The following ZNF536 variants were observed in gnomAD, a reference collection of about 807,000 sequenced individuals.
ZNF536 encodes zinc finger protein 536.
ZNF536 carries 13 observed loss-of-function variants against 84.5 expected under a neutral mutation model. The ratio of observed to expected loss-of-function variants is 0.15; its 90% confidence interval spans 0.10 to 0.24. The LOEUF (loss-of-function observed/expected upper bound fraction) is 0.24, where lower values mean the gene tolerates loss of function less well. Among genes scored for constraint, ZNF536 ranks in the 10% least tolerant of loss-of-function variants. The pLI is 1.00. For missense variants in ZNF536, 1,536 were observed against 1,747.5 expected, an observed-to-expected ratio of 0.88 and a Z score of 2.16; for synonymous variants, 811 against 742.5, an observed-to-expected ratio of 1.09 and a Z score of -1.50.
intron 2 of ZNF536, among the ~76,000 whole-genome samples, chr19:30,486,183 C>T (rs1021067972): frequency 5.9e-5 from 9 of 152,140 alleles, no homozygotes. Flanking sequence ...TGCTTTGCTG[C>T]ACCTATCAAC....
chr19:30,534,442 T>A (rs569957799), intron 2 of ZNF536, among the ~76,000 whole-genome samples: 1 of 152,354 alleles, frequency 6.6e-6, no homozygotes, highest in East Asian at 1.9e-4. Flanking sequence ...CTTGCTATAA[T>A]GCAAATATGA....
intron 2 of ZNF536, among the ~76,000 whole-genome samples, chr19:30,519,651 G>A (rs2044238703): frequency 6.6e-6 from 1 of 152,198 alleles, no homozygotes; most frequent in African/African-American, 2.4e-5. Context: ...CCCTGGAAGG[G>A]CAGGTCAGAG....
intron 1 of ZNF536, among the ~76,000 whole-genome samples, chr19:30,567,983 G>GT (rs2046412114): frequency 6.6e-6 from 1 of 152,110 alleles, no homozygotes; most frequent in Non-Finnish European, 1.5e-5. Flanking sequence ...AGTAATAAAA[G>GT]GATCATATGT....
chr19:30,264,972 A>T (rs148257174), intron 1 of ZNF536, among the ~76,000 whole-genome samples: 3 of 137,226 alleles, frequency 2.2e-5, no homozygotes, highest in Non-Finnish European at 3.2e-5. Flanking sequence ...TGTGTGAGAG[A>T]GAGAGAGAGA....
At chr19:30,597,368 T>C (rs574520602) in intron 1 of ZNF536, among the ~76,000 whole-genome samples, 1 of 152,358 alleles carries the variant, frequency 6.6e-6, no homozygotes, top group Non-Finnish European at 1.5e-5. Flanking sequence ...CGGGCCATCA[T>C]GGGCATCCCC....
chr19:30,387,645 C>G (rs1292331980), intron 1 of ZNF536, among the ~76,000 whole-genome samples: 1 of 152,216 alleles, frequency 6.6e-6, no homozygotes, highest in Admixed American at 6.5e-5. Context: ...AAATGCTCAA[C>G]AGAAAGGGAC....
chr19:30,358,675 C>T (rs2048173901), intron 3 of ZNF536, among the ~76,000 whole-genome samples: 1 of 152,212 alleles, frequency 6.6e-6, no homozygotes, highest in Non-Finnish European at 1.5e-5. Flanking sequence ...AAGGTCTGTC[C>T]AAGTCTAACT....
At chr19:30,693,944 G>A (rs1291664505) in intron 1 of ZNF536, among the ~76,000 whole-genome samples, 2 of 152,144 alleles carry the variant, frequency 1.3e-5, no homozygotes, top group East Asian at 1.9e-4. Flanking sequence ...GACTGCTCCC[G>A]CGACACTGTT....
In ZNF536 at chr19:30,444,850, T is replaced by A. The variant is rs1386033973; in HGVS notation, c.1288T>A (p.Tyr430Asn). 2 of 1,613,432 alleles carry A rather than the reference T, an allele frequency of 1.2e-6. No individual in the cohort carries two copies. The highest frequency in any genetic ancestry group is 1.7e-5 in the Admixed American group (1 of 59,998). Reference protein sequence around the residue: ...QEAHANLYSRYLSCLQSGFMT... With the variant: ...QEAHANLYSRNLSCLQSGFMT... Reference sequence around the variant, plus strand: ...GGCCCACGCCAACCTGTACTCCAGGTACCTCTCCTGCCTGCAGAGTGGCTT... The same window carrying A: ...GGCCCACGCCAACCTGTACTCCAGGAACCTCTCCTGCCTGCAGAGTGGCTT... The change falls in exon 2 of 5, where the codon TAC (tyrosine) becomes AAC (asparagine). Residue 430 changes from tyrosine (Y) to asparagine (N), a missense_variant. Around this residue, in one of 8 missense-constraint regions of ZNF536, gnomAD observed 366 missense variants for 364.4 expected, o/e 1.00. Coordinates refer to ENST00000355537, the MANE Select transcript of ZNF536 (RefSeq NM_014717.3).
chr19:30,236,828 G>A (rs548401332), intron 1 of ZNF536, among the ~76,000 whole-genome samples: 1 of 152,160 alleles, frequency 6.6e-6, no homozygotes, highest in Non-Finnish European at 1.5e-5. Flanking sequence ...GGGGGTGGTA[G>A]GGATGTGTAT....
chr19:30,686,698 G>T (rs562612685), intron 1 of ZNF536, among the ~76,000 whole-genome samples: 1 of 152,290 alleles, frequency 6.6e-6, no homozygotes, highest in East Asian at 1.9e-4. Context: ...TCATCCGTCA[G>T]CATTGAGCTC....
At chr19:30,368,939 T>C (rs964763724), upstream of ZNF536, among the ~76,000 whole-genome samples, 4 of 152,226 alleles carry the variant, frequency 2.6e-5, no homozygotes, top group Non-Finnish European at 5.9e-5. Context: ...AAACTCATTC[T>C]TTATACCAGC....
intron 3 of ZNF536, among the ~76,000 whole-genome samples, chr19:30,366,921 G>A (rs551947945): frequency 2.6e-5 from 4 of 152,246 alleles, no homozygotes; most frequent in Non-Finnish European, 5.9e-5. Flanking sequence ...TGTGTGATAA[G>A]GGAAGGCCCT....
intron 1 of ZNF536, among the ~76,000 whole-genome samples, chr19:30,622,480 C>T (rs1400483996): frequency 2.6e-5 from 4 of 152,214 alleles, no homozygotes; most frequent in Admixed American, 2.6e-4. Context: ...AGTGGCCGTT[C>T]TGGATGTGTT....
rs2148194975 is a variant in ZNF536, at chr19:30,444,710, A to G, written c.1148A>G (p.Lys383Arg). The change falls in exon 2 of 5, where the codon AAG becomes AGG. Residue 383 changes from lysine (K) to arginine (R), a missense_variant. This residue lies in a region of ZNF536 where 25 missense variants were observed against 78.9 expected (regional missense o/e 0.32). Coordinates refer to ENST00000355537, the MANE Select transcript of ZNF536 (RefSeq NM_014717.3). ...HCCQICGRRFKEPWFLKNHMK... is the reference protein window; with the variant it reads ...HCCQICGRRFREPWFLKNHMK... ...TGCCAGATCTGCGGCCGGCGCTTCA[A>G]GGAGCCCTGGTTCCTCAAGAACCAC... is the stretch of plus-strand genomic sequence containing the variant. 6.2e-7 allele frequency: 1 copy of G among 1,613,946 alleles called. No homozygotes were observed. The highest frequency in any genetic ancestry group is 8.5e-7 in the Non-Finnish European group (1 of 1,180,042).
At chr19:30,379,355 G>C (rs2048934769) in intron 1 of ZNF536, among the ~76,000 whole-genome samples, 1 of 152,016 alleles carries the variant, frequency 6.6e-6, no homozygotes, top group African/African-American at 2.4e-5. Context: ...ACAGTGATGT[G>C]GTCTTGATTC....
At chr19:30,643,664 G>GT (rs2049348966) in intron 1 of ZNF536, among the ~76,000 whole-genome samples, 2 of 152,016 alleles carry the variant, frequency 1.3e-5, no homozygotes, top group African/African-American at 4.8e-5. Context: ...CTGCAGGGGG[G>GT]GGTTTTGGGG....
chr19:30,486,994 T>C (rs1375230973), intron 2 of ZNF536, among the ~76,000 whole-genome samples: 2 of 152,182 alleles, frequency 1.3e-5, no homozygotes, highest in Non-Finnish European at 2.9e-5. Flanking sequence ...GCCATTTTGG[T>C]CTATTGAATG....
chr19:30,440,640 G>A (rs532574386), intron 1 of ZNF536, among the ~76,000 whole-genome samples: 1 of 152,292 alleles, frequency 6.6e-6, no homozygotes, highest in East Asian at 1.9e-4. Context: ...CAAATGCTAT[G>A]TAGAAGAAAG....
Sources: allele counts gnomAD v4.1 joint callset (sites outside exome capture counted in the v4.1 genomes callset), GRCh38; gene constraint gnomAD v4.1.1; regional missense constraint gnomAD v4.1.1; transcripts MANE v1.5; gene names NCBI Gene and HGNC (gene_info 2026-07-23, HGNC 2026-07-21).